The following AK1 variants were observed in gnomAD, a reference collection of about 807,000 sequenced individuals.
AK1 encodes the protein adenylate kinase 1.
Under a neutral mutation model 23.9 loss-of-function variants are expected in AK1, and 13 were observed. The observed-to-expected ratio is 0.54, with a 90% confidence interval of 0.35 to 0.86. The LOEUF (loss-of-function observed/expected upper bound fraction) is 0.86. Among genes scored for constraint, AK1 ranks in the 40% least tolerant of loss-of-function variants. The pLI is 0.01. For missense variants in AK1, 214 were observed against 255.1 expected, an observed-to-expected ratio of 0.84 and a Z score of 1.10; for synonymous variants, 97 against 102.8, an observed-to-expected ratio of 0.94 and a Z score of 0.34.
Position 127,867,942 on chromosome 9 carries a change from C to A in AK1, c.*66G>T. 1 of 1,534,606 alleles carries A rather than the reference C, an allele frequency of 6.5e-7. No individual in the cohort carries two copies. The highest frequency in any genetic ancestry group is 2.2e-5 in the East Asian group (1 of 44,518). ...CAGGGTGGAGGCGCTGCGCTCAGGC[C>A]AGGAGGACCTCGAATCAGGACGGGG... On this transcript the variant is annotated 3_prime_UTR_variant, in exon 7 of 7. Transcript: ENST00000644144.
intron 2 of AK1, 62 bp downstream of exon 2, chr9:127,874,549 C>T (rs1216673753): frequency 1.2e-6 from 2 of 1,612,024 alleles, no homozygotes; most frequent in East Asian, 2.2e-5. Context: ...TGAGAGCGCA[C>T]CCCCTTAATA....
In AK1 at chr9:127,866,757, C is replaced by G. The variant is rs1829257256; in HGVS notation, c.*1251G>C. On this transcript the variant is annotated 3_prime_UTR_variant, in exon 7 of 7. Coordinates refer to ENST00000644144, the MANE Select transcript of AK1 (RefSeq NM_000476.3). ...TCTCCCCAGGGGATTCTGGGGTGTC[C>G]CCAAGTCATCCGGGGCCCCGCACGC... is the stretch of plus-strand genomic sequence containing the variant. 2 of 152,246 alleles carry G rather than the reference C, an allele frequency of 1.3e-5. No individual in the cohort carries two copies. The highest frequency in any genetic ancestry group is 1.3e-4 in the Admixed American group (2 of 15,288). 9.4% of individuals were successfully genotyped at this position (152,246 alleles called of 1,614,324 possible). A position where few individuals can be genotyped will look rare whatever the true frequency, so the allele number is the denominator to read the frequency against.
rs1336761231 is a variant in AK1 at position 127,871,278 on chromosome 9, C to A, written c.324+545G>T. Among the ~76,000 whole-genome samples, 2 of 151,624 alleles carry A rather than the reference C, an allele frequency of 1.3e-5. 1 individual carries two copies. The highest frequency in any genetic ancestry group is 4.9e-5 in the African/African-American group (2 of 40,884). On this transcript the variant is annotated intron_variant, in intron 5 of 6. Transcript: ENST00000644144. This position sits in a 1 kb window ranked among gnomAD's most constrained non-coding sequence, Gnocchi z 4.4. ...CTCTTTCCAGCCAGGCTCCTCATGA[C>A]CCCTGGAAGGAGACTGATGTCCCTT...
chr9:127,875,485 G>A (rs1158194264), intron 1 of AK1, among the ~76,000 whole-genome samples: 3 of 142,158 alleles, frequency 2.1e-5, no homozygotes, highest in Middle Eastern at 4.1e-3. Flanking sequence ...AAGGCCACTC[G>A]CAACCACCAC....
rs529721048 is a variant in AK1, at chr9:127,866,600, C to A, written c.*1408G>T. 6.6e-6 allele frequency: 1 copy of A among 152,202 alleles called. No homozygotes were observed. The highest frequency in any genetic ancestry group is 6.5e-5 in the Admixed American group (1 of 15,272). 9.4% of individuals were successfully genotyped at this position (152,202 alleles called of 1,614,324 possible). On this transcript the variant is annotated 3_prime_UTR_variant, in exon 7 of 7. Transcript: ENST00000644144. ...ACTGTTCGGATTTCATTCGGGCAGG[C>A]GGGGTCCACAAGAGGCTCTCTTGGC...
At chr9:127,876,067 C>T (rs551474891) in intron 1 of AK1, among the ~76,000 whole-genome samples, 2 of 152,334 alleles carry the variant, frequency 1.3e-5, no homozygotes, top group East Asian at 1.9e-4. Context: ...GTGAGCTGAC[C>T]TCTGCTGCCC....
intron 2 of AK1, chr9:127,873,393 C>T (rs893241434): frequency 1.3e-6 from 2 of 1,582,738 alleles, no homozygotes; most frequent in African/African-American, 1.3e-5. Flanking sequence ...GGGCCGGTCA[C>T]CTCTGGCTCT....
At chr9:127,878,337 G>C (rs1228051480), upstream of AK1, 3 of 152,288 alleles carry the variant, frequency 2.0e-5, no homozygotes, top group African/African-American at 7.2e-5. Context: ...TAGCCAGAGA[G>C]GGGATTTGCG....
intron 2 of AK1, chr9:127,874,206 A>T: frequency 1.0e-6 from 1 of 985,404 alleles, no homozygotes; most frequent in African/African-American, 1.7e-5. Flanking sequence ...GCCCATAGGA[A>T]CTAGGAGGGT....
intron 2 of AK1, chr9:127,873,420 C>CG: frequency 6.4e-7 from 1 of 1,570,822 alleles, no homozygotes. Context: ...GTCTTCTCTG[C>CG]GGGGGTCACT....
At chr9:127,876,717 T>G (rs1829546178) in intron 1 of AK1, among the ~76,000 whole-genome samples, 1 of 110,804 alleles carries the variant, frequency 9.0e-6, no homozygotes, top group African/African-American at 3.5e-5. Flanking sequence ...CACCTGCCAC[T>G]TCCTTGATCC....
intron 4 of AK1, among the ~76,000 whole-genome samples, chr9:127,872,242 G>A (rs1238811365): frequency 6.6e-6 from 1 of 152,210 alleles, no homozygotes; most frequent in East Asian, 1.9e-4. Context: ...GGAGCTCAGG[G>A]GCTGGTGAGG....
At chr9:127,878,830 G>A (rs1289465273), upstream of AK1, among the ~76,000 whole-genome samples, 1 of 152,200 alleles carries the variant, frequency 6.6e-6, no homozygotes, top group Non-Finnish European at 1.5e-5. Flanking sequence ...AGTGGGGTCA[G>A]AGGTGTTGCA....
At chr9:127,875,355 C>A (rs1023663131) in intron 1 of AK1, among the ~76,000 whole-genome samples, 1 of 151,198 alleles carries the variant, frequency 6.6e-6, no homozygotes, top group South Asian at 2.1e-4. Context: ...ATCACACCTG[C>A]GACCCCACCC....
In AK1 at chr9:127,867,112, G is replaced by C. The variant is rs1352889808; in HGVS notation, c.*896C>G. ...TGCAAGCTCCACCTCCCGGGTTCAC[G>C]CCATTCTCCTGCCTCAGCCTCATGA... On this transcript the variant is annotated 3_prime_UTR_variant, in exon 7 of 7. Coordinates refer to ENST00000644144, the MANE Select transcript of AK1 (RefSeq NM_000476.3). 2 of 148,168 alleles carry C rather than the reference G, an allele frequency of 1.3e-5. No homozygotes were observed. The highest frequency in any genetic ancestry group is 4.0e-4 in the East Asian group (2 of 5,004). 9.2% of individuals were successfully genotyped at this position (148,168 alleles called of 1,614,324 possible). A position where few individuals can be genotyped will look rare whatever the true frequency, so the allele number is the denominator to read the frequency against.
chr9:127,868,129 C>T lies in AK1; in HGVS notation c.517-53G>A. Reference sequence around the variant, plus strand: ...AGTCACCAGGTGGAGTGGGGTGGGCCTCACCATGGCAGGCCCCAGAGACCA... The same window carrying T: ...AGTCACCAGGTGGAGTGGGGTGGGCTTCACCATGGCAGGCCCCAGAGACCA... On this transcript the variant is annotated intron_variant, in intron 6 of 6. Transcript: ENST00000644144. This position sits in a 1 kb window ranked among gnomAD's most constrained non-coding sequence, Gnocchi z 4.1. 6.3e-7 allele frequency: 1 copy of T among 1,595,754 alleles called. No homozygotes were observed. Among genetic ancestry groups the T allele is most frequent in the Non-Finnish European group, 8.6e-7 (1 of 1,163,770 alleles).
chr9:127,874,623 C>G lies in AK1; in HGVS notation c.-6G>C, dbSNP rs371166157. On this transcript the variant is annotated 5_prime_UTR_variant, in exon 2 of 7. Transcript: ENST00000644144. ...AGGAGGCTCATACCTTCCATCCTGC[C>G]GAGGTCCCGGGAGCCGTGTCAGTGC... is the stretch of plus-strand genomic sequence containing the variant. 23 of 1,613,612 alleles carry G rather than the reference C, an allele frequency of 1.4e-5. No individual in the cohort carries two copies. Among genetic ancestry groups the G allele is most frequent in the Non-Finnish European group, 1.9e-5 (23 of 1,179,974 alleles).
At chr9:127,875,531 C>T (rs190970374) in intron 1 of AK1, among the ~76,000 whole-genome samples, 7 of 151,912 alleles carry the variant, frequency 4.6e-5, no homozygotes, top group Admixed American at 3.3e-4. Flanking sequence ...CTCCAGCCAG[C>T]GACCCCACCC....
chr9:127,873,681 G>A (rs1829472846), intron 2 of AK1: 8 of 1,366,276 alleles, frequency 5.9e-6, no homozygotes, highest in Non-Finnish European at 7.5e-6. Flanking sequence ...ATCCCAGCAA[G>A]GCCACAGCCC....
Sources: gnomAD v4.1 joint callset for allele counts (sites outside exome capture counted in the v4.1 genomes callset) on GRCh38, gnomAD v4.1.1 for gene constraint, Gnocchi (gnomAD v3.1) non-coding constraint, MANE v1.5 for transcripts, NCBI Gene and HGNC (gene_info 2026-07-23, HGNC 2026-07-21) for gene names.